The following GRIK1 variants were observed in gnomAD, a reference collection of about 807,000 sequenced individuals.
GRIK1 encodes glutamate ionotropic receptor kainate type subunit 1, also known as glutamate receptor ionotropic, kainate 1.
A neutral mutation model predicts 105.7 loss-of-function variants in GRIK1; 69 were observed. The observed-to-expected ratio is 0.65, with a 90% CI of 0.54 to 0.80. The LOEUF (loss-of-function observed/expected upper bound fraction) is 0.80. Among genes scored for constraint, GRIK1 ranks in the 30% least tolerant of loss-of-function variants. The pLI is 0.00. For synonymous variants in GRIK1, 438 were observed against 431.3 expected (o/e 1.02, Z -0.19); for missense variants, 1,109 against 1,167.3 (o/e 0.95, Z 0.73).
In GRIK1 at chr21:29,542,199, T is replaced by C. The variant is rs1046346911; in HGVS notation, c.2608-4315A>G. 2.0e-5 allele frequency among the ~76,000 whole-genome samples: 3 copies of C among 152,314 alleles called. No homozygotes were observed. The South Asian group carries it at 6.2e-4, about 32-fold the overall frequency. On this transcript the variant is annotated intron_variant, in intron 16 of 17. Transcript: ENST00000327783. ...GTTTTGCAGAAAGTTATTTCTCTAC[T>C]CTGATCCCTCCATGCTTGTGGTGTG... is the stretch of plus-strand genomic sequence containing the variant.
At chr21:29,858,460 T>G (rs891899448) in intron 1 of GRIK1, among the ~76,000 whole-genome samples, 12 of 152,136 alleles carry the variant, frequency 7.9e-5, no homozygotes, top group African/African-American at 2.9e-4. Context: ...TCAGCTCTCC[T>G]TCCTTTAGGA....
chr21:29,939,419 T>C lies in GRIK1; in HGVS notation c.82A>G (p.Ile28Val), dbSNP rs1185297356. The C allele has an allele frequency of 6.3e-7, 1 of 1,577,588 alleles. No homozygotes were observed. Among genetic ancestry groups the C allele is most frequent in the Non-Finnish European group, 8.6e-7 (1 of 1,160,126 alleles). The change falls in exon 1 of 18, where the codon ATC becomes GTC. Residue 28 changes from isoleucine (I) to valine (V), a missense_variant. Physicochemically the swap from Ile to Val is conservative, Grantham distance 29. Around this residue, in one of 5 missense-constraint regions of GRIK1, gnomAD observed 612 missense variants for 586.0 expected, o/e 1.04. Coordinates refer to ENST00000327783, the MANE Select transcript of GRIK1 (RefSeq NM_001330994.2). ...SWALLYFLCY[I>V]LPQTAPQVLR... The stretch of plus-strand genomic sequence containing the variant: ...ACTTGCGGGGCGGTCTGAGGGAGGA[T>C]ATAGCAGAGGAAATAGAGGAGTGCC...
chr21:29,674,038 A>T (rs1370317291), intron 3 of GRIK1, among the ~76,000 whole-genome samples: 1 of 151,150 alleles, frequency 6.6e-6, no homozygotes, highest in African/African-American at 2.4e-5. Context: ...TCACTCAAGA[A>T]CTTCCATCAT....
chr21:29,805,815 T>C (rs977508609), intron 1 of GRIK1, among the ~76,000 whole-genome samples: 3 of 152,106 alleles, frequency 2.0e-5, no homozygotes, highest in African/African-American at 4.8e-5. Flanking sequence ...GAGACCAGAG[T>C]TGGCAAGGGA....
intron 14 of GRIK1, among the ~76,000 whole-genome samples, chr21:29,570,362 C>T (rs1411864797): frequency 1.3e-5 from 2 of 151,824 alleles, no homozygotes; most frequent in Non-Finnish European, 2.9e-5. Flanking sequence ...TATAGCTGGG[C>T]GTGGTGGCAG....
At chr21:29,628,565 G>A (rs888956707) in intron 7 of GRIK1, among the ~76,000 whole-genome samples, 6 of 152,122 alleles carry the variant, frequency 3.9e-5, no homozygotes, top group African/African-American at 1.4e-4. Context: ...ACACACCTGG[G>A]TTTTCTTTTA....
At chr21:29,568,752 G>A (rs1391144624) in intron 14 of GRIK1, among the ~76,000 whole-genome samples, 1 of 152,160 alleles carries the variant, frequency 6.6e-6, no homozygotes, top group African/African-American at 2.4e-5. Context: ...CACATGTTGT[G>A]TTGTATTTAA....
At chr21:29,632,580 G>GTA (rs143277923) in intron 7 of GRIK1, among the ~76,000 whole-genome samples, 11 of 151,568 alleles carry the variant, frequency 7.3e-5, no homozygotes, top group South Asian at 2.1e-4. Context: ...CCATAAATAT[G>GTA]TATATATATA....
At position 29,793,378 on chromosome 21, in the gene GRIK1, A is replaced by G. The variant is rs576470549; in HGVS notation, c.119-99315T>C. On this transcript the variant is annotated intron_variant, in intron 1 of 17. Coordinates refer to ENST00000327783, the MANE Select transcript of GRIK1 (RefSeq NM_001330994.2). ...TGCTCCCCCAAGTCCCATAGTGCCTAGCTGCTTCCATATGTAACAGCCCTG... is the reference window on the plus strand; with the variant it reads ...TGCTCCCCCAAGTCCCATAGTGCCTGGCTGCTTCCATATGTAACAGCCCTG... 1.4e-3 allele frequency among the ~76,000 whole-genome samples: 212 copies of G among 152,284 alleles called. 1 individual carries two copies. Among genetic ancestry groups the G allele is most frequent in the Admixed American group, 0.013 (194 of 15,286 alleles).
intron 7 of GRIK1, among the ~76,000 whole-genome samples, chr21:29,636,981 A>G (rs939251270): frequency 3.3e-5 from 5 of 152,138 alleles, no homozygotes; most frequent in Admixed American, 6.6e-5. Flanking sequence ...CTTCATTTAT[A>G]CATTTGCCAT....
chr21:29,553,750 A>G (rs760688796), intron 16 of GRIK1: 1 of 1,255,488 alleles, frequency 8.0e-7, no homozygotes, highest in South Asian at 1.5e-5. Context: ...AAATGAATAA[A>G]TCAGAAGCAA....
chr21:29,787,243 T>A (rs527730179), intron 1 of GRIK1, among the ~76,000 whole-genome samples: 1 of 152,240 alleles, frequency 6.6e-6, no homozygotes, highest in Non-Finnish European at 1.5e-5. Context: ...GAATGCCATG[T>A]CCTTTCTGAC....
chr21:29,588,330 A>G (rs552671014), intron 11 of GRIK1, among the ~76,000 whole-genome samples: 1 of 152,242 alleles, frequency 6.6e-6, no homozygotes, highest in East Asian at 1.9e-4. Context: ...CCCCACCTAA[A>G]TCTCACCTTG....
At chr21:29,622,025 C>T (rs112732751) in intron 7 of GRIK1, among the ~76,000 whole-genome samples, 4 of 151,974 alleles carry the variant, frequency 2.6e-5, no homozygotes, top group Non-Finnish European at 5.9e-5. Flanking sequence ...TAGCTCACTA[C>T]AACCACTGCC....
intron 1 of GRIK1, among the ~76,000 whole-genome samples, chr21:29,732,351 A>G (rs1569026164): frequency 6.6e-6 from 1 of 152,200 alleles, no homozygotes; most frequent in African/African-American, 2.4e-5. Flanking sequence ...GGCACACATT[A>G]TCCACCTTCC....
chr21:29,560,502 TCCTTCCTTCCTTCC>T (rs1568815106), intron 15 of GRIK1, among the ~76,000 whole-genome samples: 194 of 19,132 alleles, frequency 0.01, 3 homozygotes, highest in African/African-American at 0.045. Flanking sequence ...TTTCTTTCCT[TCCTTCCTTCCTTCC>T]TTCCTTTCTT....
At chr21:29,843,125 G>A (rs1377887128) in intron 1 of GRIK1, among the ~76,000 whole-genome samples, 2 of 152,118 alleles carry the variant, frequency 1.3e-5, no homozygotes, top group African/African-American at 4.8e-5. Flanking sequence ...GATTCCGTGG[G>A]CAGGTTCTTG....
At chr21:29,723,076 T>C (rs2064362353) in intron 1 of GRIK1, among the ~76,000 whole-genome samples, 1 of 152,190 alleles carries the variant, frequency 6.6e-6, no homozygotes, top group African/African-American at 2.4e-5. Context: ...CCCAGCACTT[T>C]GGGAGGCCAA....
chr21:29,863,379 T>C (rs2068704968), intron 1 of GRIK1, among the ~76,000 whole-genome samples: 1 of 152,208 alleles, frequency 6.6e-6, no homozygotes, highest in African/African-American at 2.4e-5. Flanking sequence ...CAGTTTGTAC[T>C]CTATAGAGTT....
Sources: gnomAD v4.1 joint callset for allele counts (sites outside exome capture counted in the v4.1 genomes callset) on GRCh38, gnomAD v4.1.1 for gene constraint, gnomAD v4.1.1 regional missense constraint, MANE v1.5 for transcripts, NCBI Gene and HGNC (gene_info 2026-07-23, HGNC 2026-07-21) for gene names.